The following CAND1 variants were observed in gnomAD, a reference collection of about 807,000 sequenced individuals.
The protein encoded by CAND1 is cullin-associated NEDD8-dissociated protein 1.
Under a neutral mutation model 108.5 loss-of-function variants are expected in CAND1, and 7 were observed. The ratio of observed to expected loss-of-function variants is 0.06; its 90% CI spans 0.04 to 0.12. CAND1 has a LOEUF of 0.12. Among genes scored for constraint, CAND1 ranks in the 10% least tolerant of loss-of-function variants. CAND1 has a pLI of 1.00. For synonymous variants in CAND1, 534 were observed against 512.0 expected (o/e 1.04, Z -0.58); for missense variants, 941 against 1,448.7 (o/e 0.65, Z 5.69).
chr12:67,272,697 T>G (rs555420285), intron 1 of CAND1, among the ~76,000 whole-genome samples: 10 of 151,618 alleles, frequency 6.6e-5, no homozygotes, highest in Middle Eastern at 3.4e-3. Flanking sequence ...GTTGTTTTGG[T>G]TTTTTTTGTT....
chr12:67,300,159 G>A (rs2044810403), intron 7 of CAND1, among the ~76,000 whole-genome samples: 1 of 152,082 alleles, frequency 6.6e-6, no homozygotes, highest in Admixed American at 6.6e-5. Context: ...TTTAGCTTCT[G>A]GGATACCATT....
intron 2 of CAND1, among the ~76,000 whole-genome samples, chr12:67,287,952 T>C (rs2044687879): frequency 1.3e-5 from 2 of 151,090 alleles, no homozygotes; most frequent in Non-Finnish European, 2.9e-5. Context: ...TATAATTGAA[T>C]TCTACTGTGG....
At chr12:67,286,284 A>T (rs1405008295) in intron 2 of CAND1, among the ~76,000 whole-genome samples, 1 of 152,200 alleles carries the variant, frequency 6.6e-6, no homozygotes, top group Non-Finnish European at 1.5e-5. Flanking sequence ...TGCTGGGATT[A>T]CAGGCTTGAG....
At chr12:67,284,773 C>T (rs1431860516) in intron 2 of CAND1, among the ~76,000 whole-genome samples, 1 of 151,958 alleles carries the variant, frequency 6.6e-6, no homozygotes, top group African/African-American at 2.4e-5. Flanking sequence ...CACTTCAGCC[C>T]CCGCCCCCGA....
rs1226725147 is a variant in CAND1 at position 67,302,588 on chromosome 12, A to G, written c.1266A>G (p.Glu422=). The change falls in exon 8 of 15, where the codon GAA becomes GAG. Residue 422 remains glutamate (E), a synonymous_variant. Coordinates refer to ENST00000545606, the MANE Select transcript of CAND1 (RefSeq NM_018448.5). ...LCDPDAMEQG[E]TPLTMLQSQV... is the part of the protein sequence containing the mutation. ...ACCCTGATGCAATGGAGCAGGGAGA[A>G]ACACCTTTAACAATGCTTCAGAGTC... 1.2e-6 allele frequency: 2 copies of G among 1,612,510 alleles called. No homozygotes were observed. Among genetic ancestry groups the G allele is most frequent in the Non-Finnish European group, 8.5e-7 (1 of 1,178,680 alleles).
At chr12:67,271,266 G>A (rs1325521477) in intron 1 of CAND1, among the ~76,000 whole-genome samples, 1 of 152,188 alleles carries the variant, frequency 6.6e-6, no homozygotes, top group Admixed American at 6.5e-5. Flanking sequence ...AAGGTTTTGT[G>A]TTGTTTTACG....
chr12:67,304,981 A>G (rs2044863939), intron 9 of CAND1, 123 bp from the exon 10 acceptor site: 1 of 940,346 alleles, frequency 1.1e-6, no homozygotes, highest in Non-Finnish European at 1.5e-6. Context: ...GATGGTGAAA[A>G]TTTCTACTTA....
At chr12:67,271,134 A>G (rs1324398508) in intron 1 of CAND1, among the ~76,000 whole-genome samples, 1 of 152,248 alleles carries the variant, frequency 6.6e-6, no homozygotes, top group Non-Finnish European at 1.5e-5. Flanking sequence ...TTTAAAACTT[A>G]AAAATCATTT....
intron 7 of CAND1, among the ~76,000 whole-genome samples, chr12:67,300,443 T>C (rs527306912): frequency 3.4e-4 from 51 of 152,238 alleles, no homozygotes; most frequent in African/African-American, 1.2e-3. Flanking sequence ...ATCTAAAATA[T>C]CTTTTCCCTG....
At chr12:67,307,138 G>A (rs1054558882) in intron 10 of CAND1, among the ~76,000 whole-genome samples, 2 of 151,968 alleles carry the variant, frequency 1.3e-5, no homozygotes, top group African/African-American at 2.4e-5. Context: ...TTGTGAGGGC[G>A]AGATCGTCCA....
chr12:67,286,145 C>T (rs898543473), intron 2 of CAND1, among the ~76,000 whole-genome samples: 1 of 152,050 alleles, frequency 6.6e-6, no homozygotes, highest in Admixed American at 6.6e-5. Flanking sequence ...CTAGCTGGGA[C>T]TACAGGCACC....
At chr12:67,308,560 C>A (rs2044913464) in intron 11 of CAND1, among the ~76,000 whole-genome samples, 1 of 152,034 alleles carries the variant, frequency 6.6e-6, no homozygotes, top group South Asian at 2.1e-4. Flanking sequence ...AGTTAGCATT[C>A]TAATTGAATT....
chr12:67,289,236 G>A (rs1478038973), intron 2 of CAND1, among the ~76,000 whole-genome samples: 3 of 150,986 alleles, frequency 2.0e-5, no homozygotes, highest in Non-Finnish European at 4.4e-5. Flanking sequence ...TTATTTGTTT[G>A]AGATGGAGTT....
intron 8 of CAND1, among the ~76,000 whole-genome samples, chr12:67,303,889 T>G (rs2044850791): frequency 6.6e-6 from 1 of 152,178 alleles, no homozygotes; most frequent in Admixed American, 6.5e-5. Context: ...TTGTCTTGTT[T>G]CCTTTGATTT....
chr12:67,280,302 A>G (rs894816702), intron 1 of CAND1, among the ~76,000 whole-genome samples: 1 of 152,204 alleles, frequency 6.6e-6, no homozygotes, highest in African/African-American at 2.4e-5. Context: ...AAATGAACGT[A>G]CTAGTTATTG....
At chr12:67,301,915 ATTGT>A (rs549141865) in intron 7 of CAND1, among the ~76,000 whole-genome samples, 104 of 152,156 alleles carry the variant, frequency 6.8e-4, no homozygotes, top group Middle Eastern at 3.4e-3. Context: ...AAAGTCCCTG[ATTGT>A]TTGCTTGATT....
chr12:67,300,584 C>A (rs2044815340), intron 7 of CAND1, among the ~76,000 whole-genome samples: 1 of 152,130 alleles, frequency 6.6e-6, no homozygotes, highest in African/African-American at 2.4e-5. Flanking sequence ...ACACATCCCT[C>A]AGCTAGTCTT....
At chr12:67,280,382 C>T (rs2044608468) in intron 1 of CAND1, among the ~76,000 whole-genome samples, 1 of 152,144 alleles carries the variant, frequency 6.6e-6, no homozygotes, top group Admixed American at 6.5e-5. Flanking sequence ...CAACCTTTAC[C>T]ACACAGTTTA....
In CAND1 at chr12:67,283,987, G is replaced by A. The variant is rs181121302; in HGVS notation, c.212+1934G>A. On this transcript the variant is annotated intron_variant, in intron 2 of 14. Transcript: ENST00000545606. ...ATAATCTAAGAGCTGGGTCTTGGAG[G>A]TTGGAAAATCCCAATAGATTATTAA... Among the ~76,000 whole-genome samples, 80 of 152,198 alleles carry A rather than the reference G, an allele frequency of 5.3e-4. 1 individual carries two copies. In the East Asian group the frequency reaches 0.012, roughly 22 times the overall value.
Sources: gnomAD v4.1 joint callset for allele counts (sites outside exome capture counted in the v4.1 genomes callset) on GRCh38, gnomAD v4.1.1 for gene constraint, MANE v1.5 for transcripts, NCBI Gene and HGNC (gene_info 2026-07-23, HGNC 2026-07-21) for gene names.